The following ZDHHC5 variants were observed in gnomAD, a reference collection of about 807,000 sequenced individuals.
ZDHHC5 encodes the protein zDHHC palmitoyltransferase 5.
In ZDHHC5, 22 loss-of-function variants were observed where a neutral mutation model predicts 70.0. The ratio of observed to expected loss-of-function variants is 0.31; its 90% confidence interval spans 0.22 to 0.45. The LOEUF is 0.45. ZDHHC5 is among the 20% of genes least tolerant of loss of function. The pLI is 1.00. For synonymous variants in ZDHHC5, 313 were observed against 347.8 expected (o/e 0.90, Z 1.11); for missense variants, 746 against 926.9 (o/e 0.80, Z 2.53).
rs191685515 is a variant in ZDHHC5 at position 57,696,600 on chromosome 11, C to T, written c.1010-161C>T. On this transcript the variant is annotated intron_variant, in intron 9 of 11. Transcript: ENST00000287169. Reference sequence around the variant, plus strand: ...GGGCATGGTGGCATATGCCTGCAGTCCCAGCTACTCAGGAGGCTGAGGTGG... The same window carrying T: ...GGGCATGGTGGCATATGCCTGCAGTTCCAGCTACTCAGGAGGCTGAGGTGG... Among the ~76,000 whole-genome samples the T allele has an allele frequency of 1.5e-3, 232 of 152,238 alleles. 1 individual carries two copies. Among genetic ancestry groups the T allele is most frequent in the Admixed American group, 2.7e-3 (41 of 15,286 alleles).
At chr11:57,693,332 T>C (rs1432444376) in intron 7 of ZDHHC5, among the ~76,000 whole-genome samples, 1 of 152,096 alleles carries the variant, frequency 6.6e-6, no homozygotes, top group Non-Finnish European at 1.5e-5. Context: ...CCTAAGAGAA[T>C]CTAATGCCTC....
Position 57,699,861 on chromosome 11 carries a change from T to C in ZDHHC5, c.1983-5T>C, listed in dbSNP as rs1428354536. On this transcript the variant is annotated splice_region_variant and splice_polypyrimidine_tract_variant and intron_variant, in intron 11 of 11. Coordinates refer to ENST00000287169, the MANE Select transcript of ZDHHC5 (RefSeq NM_015457.3). ...TGACACCTACGTCTTGTCTCTTCTT[T>C]CCAGAGATGAAGTACAGCTGAAGAC... The C allele has an allele frequency of 6.2e-7, 1 of 1,614,188 alleles. No individual in the cohort carries two copies. The highest frequency in any genetic ancestry group is 8.5e-7 in the Non-Finnish European group (1 of 1,180,020).
chr11:57,700,209 G>T lies in ZDHHC5; in HGVS notation c.*178G>T. ...TAGGCTTGGGGAGTCGGAGAGTTGG[G>T]GCCCTGAGACTGGGGTAGCAACCCC... On this transcript the variant is annotated 3_prime_UTR_variant, in exon 12 of 12. Coordinates refer to ENST00000287169, the MANE Select transcript of ZDHHC5 (RefSeq NM_015457.3). 1.3e-6 allele frequency: 1 copy of T among 753,540 alleles called. No individual in the cohort carries two copies. Among genetic ancestry groups the T allele is most frequent in the Non-Finnish European group, 1.9e-6 (1 of 513,760 alleles). The allele number at this position is 753,540 out of a possible 1,614,324, so 46.7% of individuals were successfully genotyped here.
At position 57,699,918 on chromosome 11, in the gene ZDHHC5, A is replaced by G. The variant is rs1488002170; in HGVS notation, c.2035A>G (p.Ser679Gly). ...CAGCAAATCCAACGGGCAGCCCAAG[A>G]GCTTAGGCTCAGCCTCCCCTGGCCC... is the stretch of plus-strand genomic sequence containing the variant. ...TYSKSNGQPK[S>G]LGSASPGPGQ... The change falls in exon 12 of 12, where the codon AGC becomes GGC. Residue 679 changes from serine (S) to glycine (G), a missense_variant. By Grantham distance (56) the Ser-to-Gly change is moderately conservative. Coordinates refer to ENST00000287169, the MANE Select transcript of ZDHHC5 (RefSeq NM_015457.3). 6 of 1,614,116 alleles carry G rather than the reference A, an allele frequency of 3.7e-6. No individual in the cohort carries two copies. The Admixed American group carries it at 1.0e-4, about 27-fold the overall frequency.
At chr11:57,671,738 C>A (rs971525381) in intron 1 of ZDHHC5, among the ~76,000 whole-genome samples, 2 of 152,180 alleles carry the variant, frequency 1.3e-5, no homozygotes, top group Non-Finnish European at 2.9e-5. Context: ...TTTGTTACTA[C>A]CATCTATGTC....
intron 3 of ZDHHC5, 104 bp from the exon 4 acceptor site, chr11:57,688,404 G>T (rs1433652444): frequency 1.5e-6 from 2 of 1,305,476 alleles, no homozygotes; most frequent in Non-Finnish European, 1.0e-6. Context: ...TCATTAGACT[G>T]TGAATTCCTC....
At chr11:57,698,424 A>T in intron 10 of ZDHHC5, 135 bp from the exon 11 acceptor site, 1 of 1,233,644 alleles carries the variant, frequency 8.1e-7, no homozygotes, top group Non-Finnish European at 1.1e-6. Context: ...TTGAGGGATT[A>T]ACCCAGATAA....
At chr11:57,681,959 G>T (rs537188549) in intron 2 of ZDHHC5, among the ~76,000 whole-genome samples, 1 of 152,218 alleles carries the variant, frequency 6.6e-6, no homozygotes, top group Admixed American at 6.5e-5. Context: ...AGGGGGAGGC[G>T]GGGGCTAGAA....
intron 2 of ZDHHC5, among the ~76,000 whole-genome samples, chr11:57,674,344 G>A (rs1033988600): frequency 1.5e-5 from 2 of 133,146 alleles, no homozygotes; most frequent in Admixed American, 7.8e-5. Flanking sequence ...TTAAGCTCTT[G>A]ACCATCTGGA....
chr11:57,675,487 T>A (rs1158858661), intron 2 of ZDHHC5, among the ~76,000 whole-genome samples: 2 of 152,164 alleles, frequency 1.3e-5, no homozygotes, highest in Non-Finnish European at 2.9e-5. Context: ...TATTCCATGG[T>A]CTCTTAGCTC....
Position 57,672,852 on chromosome 11 carries a change from TG to T in ZDHHC5, c.-235del, listed in dbSNP as rs1011778476. ...CTTAATCTTCCCTTCTGCCTTGTTC[TG>T]GGGAGGTGGTTATTCATCATTTGGA... On this transcript the variant is annotated 5_prime_UTR_variant, in exon 2 of 12. An upstream open reading frame in the 5' UTR loses its in-frame stop. Coordinates refer to ENST00000287169, the MANE Select transcript of ZDHHC5 (RefSeq NM_015457.3). The T allele has an allele frequency of 4.2e-6, 2 of 476,156 alleles. No individual in the cohort carries two copies. The highest frequency in any genetic ancestry group is 6.9e-5 in the Admixed American group (2 of 29,058). The allele number at this position is 476,156 out of a possible 1,614,324, so 29.5% of individuals were successfully genotyped here.
intron 3 of ZDHHC5, among the ~76,000 whole-genome samples, chr11:57,687,653 G>C (rs1946223816): frequency 6.6e-6 from 1 of 151,452 alleles, no homozygotes; most frequent in African/African-American, 2.4e-5. Flanking sequence ...GTTTCTGATA[G>C]CTGAAAATTG....
chr11:57,684,301 T>C (rs1403370646), intron 3 of ZDHHC5, among the ~76,000 whole-genome samples: 1 of 152,192 alleles, frequency 6.6e-6, no homozygotes, highest in Non-Finnish European at 1.5e-5. Flanking sequence ...AGAAGTAAGC[T>C]GGCTGGGCAC....
In ZDHHC5 at chr11:57,701,135, G is replaced by C. The variant is rs1946438117; in HGVS notation, c.*1104G>C. ...AAGAGGCCCTTTTATTTTTTATTCT[G>C]ATTAGCCATTTTAAACCAACGAGGA... On this transcript the variant is annotated 3_prime_UTR_variant, in exon 12 of 12. Coordinates refer to ENST00000287169, the MANE Select transcript of ZDHHC5 (RefSeq NM_015457.3). 1 of 152,474 alleles carries C rather than the reference G, an allele frequency of 6.6e-6. No homozygotes were observed. The highest frequency in any genetic ancestry group is 6.5e-5 in the Admixed American group (1 of 15,272). 9.4% of individuals were successfully genotyped at this position (152,474 alleles called of 1,614,324 possible).
Position 57,672,329 on chromosome 11 carries a change from C to T in ZDHHC5, c.-762C>T. ...GAGAAGCTTGCCCTGTTTTCCTTGC[C>T]CCTTCAAAGAAAAGGATTTACAGCT... On this transcript the variant is annotated 5_prime_UTR_variant, in exon 2 of 12. Coordinates refer to ENST00000287169, the MANE Select transcript of ZDHHC5 (RefSeq NM_015457.3). The T allele has an allele frequency of 2.5e-6, 1 of 397,704 alleles. No homozygotes were observed. Among genetic ancestry groups the T allele is most frequent in the Non-Finnish European group, 4.4e-6 (1 of 225,896 alleles). The allele number at this position is 397,704 out of a possible 1,614,324, so 24.6% of individuals were successfully genotyped here.
At chr11:57,693,995 CTTTGTG>C (rs1342274945) in intron 8 of ZDHHC5, 80 bp downstream of exon 8, 1 of 1,401,222 alleles carries the variant, frequency 7.1e-7, no homozygotes, top group African/African-American at 1.7e-5. Context: ...CTTTAGTTTC[CTTTGTG>C]TTTTTTTTTT....
chr11:57,699,896 C>A lies in ZDHHC5; in HGVS notation c.2013C>A (p.Ser671Arg), dbSNP rs1946417698. 6.2e-7 allele frequency: 1 copy of A among 1,614,144 alleles called. No homozygotes were observed. Among genetic ancestry groups the A allele is most frequent in the African/African-American group, 1.3e-5 (1 of 74,948 alleles). The change falls in exon 12 of 12, where the codon AGC (serine) becomes AGA (arginine). Residue 671 changes from serine (S) to arginine (R), a missense_variant. Physicochemically the swap from Ser to Arg is moderately radical, Grantham distance 110. Transcript: ENST00000287169. ...KDEVQLKTTY[S>R]KSNGQPKSLG... ...AAGTACAGCTGAAGACCACCTACAGCAAATCCAACGGGCAGCCCAAGAGCT... is the reference window on the plus strand; with the variant it reads ...AAGTACAGCTGAAGACCACCTACAGAAAATCCAACGGGCAGCCCAAGAGCT...
intron 2 of ZDHHC5, among the ~76,000 whole-genome samples, chr11:57,679,529 T>C (rs112697783): frequency 4.1e-4 from 62 of 152,192 alleles, no homozygotes; most frequent in Non-Finnish European, 2.8e-4. Context: ...GAACCCGTTC[T>C]ACCTGAGATG....
intron 10 of ZDHHC5, 72 bp downstream of exon 10, chr11:57,696,945 C>G: frequency 6.6e-7 from 1 of 1,513,716 alleles, no homozygotes. Flanking sequence ...TCCTGTAATC[C>G]CAGCACTTTG....
Sources: allele counts gnomAD v4.1 joint callset (sites outside exome capture counted in the v4.1 genomes callset), GRCh38; gene constraint gnomAD v4.1.1; transcripts MANE v1.5; gene names NCBI Gene and HGNC (gene_info 2026-07-23, HGNC 2026-07-21).